Variants in CCDC170 observed in about 807,000 individuals in gnomAD.
CCDC170 encodes coiled-coil domain-containing protein 170.
A neutral mutation model predicts 72.6 loss-of-function variants in CCDC170; 69 were observed. The ratio of observed to expected loss-of-function variants is 0.95; its 90% CI spans 0.78 to 1.16. The LOEUF is 1.16. CCDC170 is among the 50% of genes most tolerant of loss of function. CCDC170 has a pLI of 0.00. For synonymous variants in CCDC170, 300 were observed against 303.9 expected, an observed-to-expected ratio of 0.99 and a Z score of 0.13; for missense variants, 852 against 832.5, an observed-to-expected ratio of 1.02 and a Z score of -0.29.
intron 6 of CCDC170, among the ~76,000 whole-genome samples, chr6:151,583,777 A>C (rs1776412332): frequency 6.6e-6 from 1 of 152,184 alleles, no homozygotes; most frequent in African/African-American, 2.4e-5. Flanking sequence ...CTTTCATTTG[A>C]AAACTTAGAG....
chr6:151,517,828 G>GT (rs1782259090), intron 1 of CCDC170, among the ~76,000 whole-genome samples: 1 of 152,026 alleles, frequency 6.6e-6, no homozygotes, highest in Admixed American at 6.6e-5. Context: ...TCTACCTCTA[G>GT]GAAGTGTACA....
intron 1 of CCDC170, among the ~76,000 whole-genome samples, chr6:151,536,023 G>A (rs1390121838): frequency 6.6e-6 from 1 of 152,158 alleles, no homozygotes; most frequent in Non-Finnish European, 1.5e-5. Context: ...GCCTCCAAAA[G>A]GGCTAGGAGT....
intron 5 of CCDC170, among the ~76,000 whole-genome samples, chr6:151,554,499 C>T (rs545738218): frequency 9.9e-5 from 15 of 152,142 alleles, no homozygotes; most frequent in African/African-American, 2.9e-4. Context: ...CCAAGGCAAG[C>T]GGATAACTTG....
At chr6:151,587,006 G>A (rs953461527) in intron 7 of CCDC170, among the ~76,000 whole-genome samples, 1 of 152,050 alleles carries the variant, frequency 6.6e-6, no homozygotes, top group East Asian at 1.9e-4. Flanking sequence ...GGGTGGTCTC[G>A]ATCTCCTGAC....
At chr6:151,568,020 G>C (rs1023741051) in intron 5 of CCDC170, among the ~76,000 whole-genome samples, 2 of 136,462 alleles carry the variant, frequency 1.5e-5, no homozygotes, top group African/African-American at 5.4e-5. Context: ...TGAGGCAGGA[G>C]AATCGCTTGA....
intron 9 of CCDC170, among the ~76,000 whole-genome samples, chr6:151,597,416 C>G (rs1364030912): frequency 6.6e-6 from 1 of 152,214 alleles, no homozygotes; most frequent in African/African-American, 2.4e-5. Context: ...GTGTGAGCCA[C>G]TGCGCCTGGC....
intron 1 of CCDC170, among the ~76,000 whole-genome samples, chr6:151,497,645 A>G (rs529817679): frequency 6.6e-6 from 1 of 152,292 alleles, no homozygotes; most frequent in East Asian, 1.9e-4. Context: ...TTTCAGTAAG[A>G]CTGCATAACT....
At chr6:151,583,273 G>A (rs868221231) in intron 6 of CCDC170, among the ~76,000 whole-genome samples, 13 of 151,652 alleles carry the variant, frequency 8.6e-5, no homozygotes, top group African/African-American at 2.4e-4. Context: ...GATTACAGGC[G>A]TGAGCCACCG....
At chr6:151,617,371 C>T (rs1187750649) in intron 10 of CCDC170, among the ~76,000 whole-genome samples, 4 of 141,594 alleles carry the variant, frequency 2.8e-5, no homozygotes, top group Admixed American at 7.2e-5. Context: ...TAGAAGTCCT[C>T]CTGTTTTCAT....
At chr6:151,560,660 T>C (rs1783062467) in intron 5 of CCDC170, among the ~76,000 whole-genome samples, 1 of 152,188 alleles carries the variant, frequency 6.6e-6, no homozygotes, top group Non-Finnish European at 1.5e-5. Flanking sequence ...TGTGCATATA[T>C]ATTTAGGAGG....
At chr6:151,595,825 A>G (rs943902188) in intron 8 of CCDC170, among the ~76,000 whole-genome samples, 16 of 152,112 alleles carry the variant, frequency 1.1e-4, no homozygotes, top group African/African-American at 3.6e-4. Context: ...TCTCAAAAAA[A>G]AAAGTTGATA....
In CCDC170 at chr6:151,560,574, A is replaced by G. The variant is rs534718283; in HGVS notation, c.774+12085A>G. On this transcript the variant is annotated intron_variant, in intron 5 of 10. Transcript: ENST00000239374. The stretch of plus-strand genomic sequence containing the variant: ...TGTCAATGTGGTGTCAAAGTTTCCC[A>G]TGATTATTGTATGGCTATCTCTTTT... Among the ~76,000 whole-genome samples the G allele has an allele frequency of 2.6e-5, 4 of 152,248 alleles. No homozygotes were observed. The East Asian group carries it at 5.8e-4, about 22-fold the overall frequency.
At chr6:151,571,938 T>G (rs4391273) in intron 5 of CCDC170, among the ~76,000 whole-genome samples, 75,628 of 152,072 alleles carry the variant, frequency 0.5, 20,003 homozygotes, top group Non-Finnish European at 0.6. Flanking sequence ...TCACTGTAGC[T>G]TTGAATTCCT....
chr6:151,507,219 TAG>T (rs1196950502), intron 1 of CCDC170, among the ~76,000 whole-genome samples: 5 of 152,054 alleles, frequency 3.3e-5, no homozygotes, highest in African/African-American at 7.2e-5. Flanking sequence ...CCCAATTTCG[TAG>T]AGAGACAGGG....
At chr6:151,531,106 C>T (rs995525417) in intron 1 of CCDC170, among the ~76,000 whole-genome samples, 1 of 152,098 alleles carries the variant, frequency 6.6e-6, no homozygotes, top group African/African-American at 2.4e-5. Context: ...CTATGGCTTT[C>T]ATGTTTGTGT....
At chr6:151,597,502 T>C (rs1230431666) in intron 9 of CCDC170, among the ~76,000 whole-genome samples, 1 of 152,218 alleles carries the variant, frequency 6.6e-6, no homozygotes, top group Non-Finnish European at 1.5e-5. Context: ...TTAGTGATGA[T>C]GCAGGGATTA....
At chr6:151,612,405 T>C (rs760102800) in intron 9 of CCDC170, among the ~76,000 whole-genome samples, 2 of 152,168 alleles carry the variant, frequency 1.3e-5, no homozygotes, top group Non-Finnish European at 2.9e-5. Context: ...TAAATAACAG[T>C]TGTTTGTTTT....
rs1782246093 is a variant in CCDC170 at position 151,517,068 on chromosome 6, G to C, written c.58-19250G>C. On this transcript the variant is annotated intron_variant, in intron 1 of 10. Coordinates refer to ENST00000239374, the MANE Select transcript of CCDC170 (RefSeq NM_025059.4). Reference sequence around the variant, plus strand: ...AATGATTTTGGGGCCGGGCACAGTGGCTCACGCCTATAATCCTAGCACTTT... The same window carrying C: ...AATGATTTTGGGGCCGGGCACAGTGCCTCACGCCTATAATCCTAGCACTTT... Among the ~76,000 whole-genome samples the C allele has an allele frequency of 3.3e-5, 5 of 152,324 alleles. No homozygotes were observed. In the South Asian group the frequency reaches 1.0e-3, roughly 32 times the overall value.
At chr6:151,545,825 G>T (rs762666529) in intron 4 of CCDC170, among the ~76,000 whole-genome samples, 3 of 152,058 alleles carry the variant, frequency 2.0e-5, no homozygotes, top group Non-Finnish European at 2.9e-5. Flanking sequence ...GTAGAGATGA[G>T]GTCTTCCTAT....
Sources: allele counts gnomAD v4.1 joint callset (sites outside exome capture counted in the v4.1 genomes callset), GRCh38; gene constraint gnomAD v4.1.1; transcripts MANE v1.5; gene names NCBI Gene and HGNC (gene_info 2026-07-23, HGNC 2026-07-21).